PDZRN3: variants seen among roughly 807,000 people sequenced by gnomAD.
PDZRN3 encodes PDZ domain containing ring finger 3.
PDZRN3 carries 38 observed loss-of-function variants against 85.7 expected under a neutral mutation model. The ratio of observed to expected loss-of-function variants is 0.44; its 90% CI spans 0.34 to 0.58. The LOEUF is 0.58. Ranked by LOEUF, PDZRN3 falls within the 20% of genes least tolerant of loss-of-function variation. The pLI is 0.01. For missense variants in PDZRN3, 1,629 were observed against 1,506.4 expected (o/e 1.08, Z -1.35); for synonymous variants, 759 against 638.0 (o/e 1.19, Z -2.86).
intron 6 of PDZRN3, 136 bp downstream of exon 6, chr3:73,390,882 G>A: frequency 6.4e-6 from 4 of 628,198 alleles, no homozygotes; most frequent in Non-Finnish European, 1.1e-5. Flanking sequence ...GCGCCATGGA[G>A]TGTGATGAGG....
At chr3:73,574,452 T>TTG (rs1702088310) in intron 3 of PDZRN3, among the ~76,000 whole-genome samples, 1 of 23,644 alleles carries the variant, frequency 4.2e-5, no homozygotes, top group Non-Finnish European at 7.8e-5. Flanking sequence ...TTTTTTTGGC[T>TTG]GGGGTGGGGG....
intron 3 of PDZRN3, among the ~76,000 whole-genome samples, chr3:73,533,723 T>A (rs1704713516): frequency 1.3e-5 from 2 of 152,084 alleles, no homozygotes; most frequent in Admixed American, 1.3e-4. Context: ...ATACACAAAA[T>A]AAGAAACCCA....
At chr3:73,415,460 T>C (rs560313527) in intron 3 of PDZRN3, among the ~76,000 whole-genome samples, 69 of 152,324 alleles carry the variant, frequency 4.5e-4, no homozygotes, top group African/African-American at 1.5e-3. Flanking sequence ...TTATTTTCTA[T>C]TGTTTATACT....
chr3:73,449,646 C>T (rs907850572), intron 3 of PDZRN3, among the ~76,000 whole-genome samples: 1 of 152,058 alleles, frequency 6.6e-6, no homozygotes, highest in Non-Finnish European at 1.5e-5. Context: ...ACATAGCATT[C>T]GGTAATATAA....
chr3:73,474,674 G>A (rs1335282244), intron 3 of PDZRN3: 13 of 1,065,290 alleles, frequency 1.2e-5, no homozygotes, highest in Non-Finnish European at 9.4e-6. Context: ...TCACAGAATA[G>A]GGAGGCACTG....
chr3:73,547,650 A>G (rs1375031991), intron 3 of PDZRN3, among the ~76,000 whole-genome samples: 1 of 152,248 alleles, frequency 6.6e-6, no homozygotes, highest in Non-Finnish European at 1.5e-5. Flanking sequence ...GCTGCCTCCA[A>G]GAGATGCTGT....
chr3:73,416,876 G>GTTTTTTTTTTTTT (rs146381615), intron 3 of PDZRN3, among the ~76,000 whole-genome samples: 60 of 110,382 alleles, frequency 5.4e-4, no homozygotes, highest in Non-Finnish European at 7.8e-4. Context: ...TTTTTTTTTG[G>GTTTTTTTTTTTTT]TTTTTTTTTT....
chr3:73,571,048 T>C (rs1232175851), intron 3 of PDZRN3, among the ~76,000 whole-genome samples: 1 of 152,172 alleles, frequency 6.6e-6, no homozygotes, highest in South Asian at 2.1e-4. Context: ...AGCATGATTA[T>C]ATGCTGCTCA....
At chr3:73,600,673 A>T (rs1702504201) in intron 3 of PDZRN3, among the ~76,000 whole-genome samples, 1 of 152,188 alleles carries the variant, frequency 6.6e-6, no homozygotes, top group Non-Finnish European at 1.5e-5. Flanking sequence ...AATCCTGCCC[A>T]GCTGTAGATT....
intron 3 of PDZRN3, among the ~76,000 whole-genome samples, chr3:73,465,431 C>G (rs1197967658): frequency 2.0e-5 from 3 of 152,170 alleles, no homozygotes; most frequent in Non-Finnish European, 4.4e-5. Context: ...CTACCTGTTT[C>G]CAGCCTGCAG....
intron 3 of PDZRN3, among the ~76,000 whole-genome samples, chr3:73,497,809 C>T (rs1176969161): frequency 6.6e-6 from 1 of 150,732 alleles, no homozygotes; most frequent in Non-Finnish European, 1.5e-5. Context: ...CCCCCCGTCC[C>T]CGCCCCCGCC....
chr3:73,427,330 G>C (rs775175555), intron 3 of PDZRN3, among the ~76,000 whole-genome samples: 2 of 152,178 alleles, frequency 1.3e-5, no homozygotes, highest in African/African-American at 4.8e-5. Context: ...GAGAGTGAAG[G>C]CTGTTCCCTG....
chr3:73,612,669 T>C (rs1050014681), intron 1 of PDZRN3, among the ~76,000 whole-genome samples: 14 of 152,212 alleles, frequency 9.2e-5, no homozygotes, highest in Non-Finnish European at 1.9e-4. Context: ...TTGGGCATTG[T>C]CTTAATTGTC....
chr3:73,469,420 G>C (rs1454406604), intron 3 of PDZRN3, among the ~76,000 whole-genome samples: 1 of 152,198 alleles, frequency 6.6e-6, no homozygotes, highest in Non-Finnish European at 1.5e-5. Context: ...CTAGCCACCA[G>C]TGGAGGTTGC....
At chr3:73,448,909 C>T (rs759889718) in intron 3 of PDZRN3, among the ~76,000 whole-genome samples, 1 of 152,196 alleles carries the variant, frequency 6.6e-6, no homozygotes, top group African/African-American at 2.4e-5. Context: ...ATGACTACCA[C>T]AACCCAGTTT....
intron 3 of PDZRN3, among the ~76,000 whole-genome samples, chr3:73,564,854 TTG>T (rs1207470156): frequency 6.6e-6 from 1 of 152,194 alleles, no homozygotes; most frequent in African/African-American, 2.4e-5. Flanking sequence ...AATATAATTA[TTG>T]TGTTACAGCT....
chr3:73,464,976 A>G (rs550065100), intron 3 of PDZRN3, among the ~76,000 whole-genome samples: 1 of 152,182 alleles, frequency 6.6e-6, no homozygotes, highest in Non-Finnish European at 1.5e-5. Context: ...CTCTTATTTA[A>G]GTGAAAATTT....
intron 3 of PDZRN3, among the ~76,000 whole-genome samples, chr3:73,582,878 G>A (rs546600877): frequency 2.6e-5 from 4 of 152,226 alleles, no homozygotes; most frequent in South Asian, 2.1e-4. Flanking sequence ...TATAACTCAC[G>A]GGTTTTAATA....
chr3:73,604,361 A>G (rs1030665335), intron 2 of PDZRN3, among the ~76,000 whole-genome samples: 3 of 152,230 alleles, frequency 2.0e-5, no homozygotes, highest in Admixed American at 2.0e-4. Context: ...CACAATAACC[A>G]CAAGTGGTAA....
Sources: allele counts gnomAD v4.1 joint callset (sites outside exome capture counted in the v4.1 genomes callset), GRCh38; gene constraint gnomAD v4.1.1; transcripts MANE v1.5; gene names NCBI Gene and HGNC (gene_info 2026-07-23, HGNC 2026-07-21).